TMEM272: variants seen among roughly 807,000 people sequenced by gnomAD.
TMEM272 encodes the protein long intergenic non-protein coding RNA 282.
TMEM272 carries 8 observed loss-of-function variants against 3.7 expected under a neutral mutation model. The ratio of observed to expected loss-of-function variants is 2.17; its 90% CI spans 1.27 to 3.91. The LOEUF is 3.91. TMEM272 is among the 30% of genes most tolerant of loss of function. TMEM272 has a pLI of 0.00. For synonymous variants in TMEM272, 63 were observed against 39.8 expected (o/e 1.58, Z -2.20); for missense variants, 166 against 91.5 (o/e 1.81, Z -3.32).
At chr13:51,866,092 G>A in the TMEM272 span, 1 of 1,551,876 alleles carries the variant, frequency 6.4e-7, no homozygotes, top group South Asian at 1.2e-5. Context: ...CAGCATGCAG[G>A]TGCAGGGCCC....
chr13:51,837,498 C>A (rs1956225629), intron 2 of TMEM272, among the ~76,000 whole-genome samples: 1 of 152,184 alleles, frequency 6.6e-6, no homozygotes. Context: ...TTAGAGCTGT[C>A]CCTGGGAGTA....
the TMEM272 span, chr13:51,921,205 T>C: frequency 2.6e-5 from 4 of 152,252 alleles, no homozygotes; most frequent in Non-Finnish European, 5.9e-5. Context: ...TGGCAAGAGA[T>C]GGGGCAAGCC....
At chr13:51,829,284 T>C (rs1046956062) in intron 2 of TMEM272, among the ~76,000 whole-genome samples, 1 of 152,202 alleles carries the variant, frequency 6.6e-6, no homozygotes, top group African/African-American at 2.4e-5. Flanking sequence ...TTCCCCTACT[T>C]AAAAATGATA....
the TMEM272 span, among the ~76,000 whole-genome samples, chr13:51,882,105 G>A: frequency 5.3e-5 from 8 of 152,168 alleles, no homozygotes; most frequent in Admixed American, 3.9e-4. Context: ...ACTGAACCAC[G>A]TATGTCTATG....
the TMEM272 span, among the ~76,000 whole-genome samples, chr13:51,890,771 GCTGA>G: frequency 6.6e-6 from 1 of 152,194 alleles, no homozygotes; most frequent in African/African-American, 2.4e-5. Context: ...GGAACTCTGA[GCTGA>G]CTAATGTGAT....
the TMEM272 span, among the ~76,000 whole-genome samples, chr13:51,855,480 T>G: frequency 9.2e-5 from 14 of 152,132 alleles, no homozygotes; most frequent in African/African-American, 2.9e-4. Context: ...GAGAAACATA[T>G]CCACAGATGA....
At chr13:51,862,978 CAAGT>C in the TMEM272 span, among the ~76,000 whole-genome samples, 4 of 152,126 alleles carry the variant, frequency 2.6e-5, no homozygotes, top group Non-Finnish European at 5.9e-5. Flanking sequence ...TCAAGTGTGA[CAAGT>C]AATAGTGGAG....
chr13:51,905,581 G>A, the TMEM272 span, among the ~76,000 whole-genome samples: 12 of 152,314 alleles, frequency 7.9e-5, no homozygotes, highest in South Asian at 2.1e-4. Flanking sequence ...CCCTCGCAGC[G>A]GCGCGGTCGA....
chr13:51,854,618 A>G, the TMEM272 span, among the ~76,000 whole-genome samples: 2 of 152,162 alleles, frequency 1.3e-5, no homozygotes, highest in African/African-American at 4.8e-5. Context: ...GTTCAAATCT[A>G]GGCTCTACTT....
the TMEM272 span, among the ~76,000 whole-genome samples, chr13:51,903,938 T>A: frequency 2.0e-5 from 3 of 147,648 alleles, no homozygotes; most frequent in Non-Finnish European, 4.4e-5. Context: ...CCAACAGTCT[T>A]CCACGTGTGT....
the TMEM272 span, among the ~76,000 whole-genome samples, chr13:51,902,253 A>C: frequency 6.6e-6 from 1 of 152,260 alleles, no homozygotes; most frequent in African/African-American, 2.4e-5. Flanking sequence ...TTGCCTTGTT[A>C]CATTTTCAGT....
chr13:51,822,368 C>A (rs541399964), intron 3 of TMEM272, among the ~76,000 whole-genome samples: 1 of 152,302 alleles, frequency 6.6e-6, no homozygotes, highest in Non-Finnish European at 1.5e-5. Context: ...GCAGACAGGG[C>A]AGGGACCAGG....
At chr13:51,918,048 G>A in the TMEM272 span, among the ~76,000 whole-genome samples, 2 of 151,918 alleles carry the variant, frequency 1.3e-5, no homozygotes, top group African/African-American at 2.4e-5. Flanking sequence ...TCCAAATATC[G>A]ATCTCTCTCC....
the TMEM272 span, among the ~76,000 whole-genome samples, chr13:51,898,732 C>A: frequency 0.17 from 25,899 of 151,354 alleles, 2,509 homozygotes; most frequent in East Asian, 0.45. Flanking sequence ...CCTGCTAAGA[C>A]GGCACTGTTG....
At chr13:51,876,210 A>G in the TMEM272 span, among the ~76,000 whole-genome samples, 6 of 152,176 alleles carry the variant, frequency 3.9e-5, no homozygotes, top group Non-Finnish European at 7.4e-5. Context: ...CATCTTCCAC[A>G]AACTCCCCGG....
chr13:51,911,775 T>TAAG, the TMEM272 span, among the ~76,000 whole-genome samples: 1 of 152,116 alleles, frequency 6.6e-6, no homozygotes, highest in Non-Finnish European at 1.5e-5. Context: ...GCCACTCCCT[T>TAAG]GCCCACAGCC....
At chr13:51,894,800 G>A in the TMEM272 span, among the ~76,000 whole-genome samples, 4 of 152,164 alleles carry the variant, frequency 2.6e-5, no homozygotes, top group East Asian at 7.7e-4. Flanking sequence ...GTGTGCACTT[G>A]ATTTCTATTA....
chr13:51,906,696 G>A, the TMEM272 span, among the ~76,000 whole-genome samples: 1 of 152,160 alleles, frequency 6.6e-6, no homozygotes. Context: ...ACAGGCCTGG[G>A]CTCCCTGCCA....
the TMEM272 span, among the ~76,000 whole-genome samples, chr13:51,918,096 C>T: frequency 2.0e-4 from 31 of 152,318 alleles, no homozygotes; most frequent in African/African-American, 5.3e-4. Flanking sequence ...CCTGCATGCT[C>T]AAAGGTGATC....
Sources: allele counts gnomAD v4.1 joint callset (sites outside exome capture counted in the v4.1 genomes callset), GRCh38; gene constraint gnomAD v4.1.1; transcripts MANE v1.5; gene names NCBI Gene and HGNC (gene_info 2026-07-23, HGNC 2026-07-21).